CRIM1: variants seen among roughly 807,000 people sequenced by gnomAD.
CRIM1 encodes cysteine rich transmembrane BMP regulator 1, also known as cysteine-rich motor neuron 1 protein.
In CRIM1, 32 loss-of-function variants were observed where a neutral mutation model predicts 116.4. The ratio of observed to expected loss-of-function variants is 0.27; its 90% CI spans 0.21 to 0.37. The LOEUF (loss-of-function observed/expected upper bound fraction) is 0.37, where lower values mean the gene tolerates loss of function less well. CRIM1 is among the 10% of genes least tolerant of loss of function. The pLI is 1.00. For missense variants in CRIM1, 1,331 were observed against 1,354.8 expected (o/e 0.98, Z 0.28); for synonymous variants, 590 against 509.2 (o/e 1.16, Z -2.13).
At position 36,522,262 on chromosome 2, in the gene CRIM1, T is replaced by C. The variant is rs1180388555; in HGVS notation, c.2377T>C (p.Ser793Pro). Residue 793 changes from serine (S) to proline (P), a missense_variant, in exon 13 of 17, where the codon TCC becomes CCC. Ser to Pro is a moderately conservative substitution (Grantham distance 74). Coordinates refer to ENST00000280527, the MANE Select transcript of CRIM1 (RefSeq NM_016441.3). ...TTTCTCTGAGTCCTGCCCTTCTGTATCCTGTGAAAGACCTGTCTTGAGAAA... is the reference window on the plus strand; with the variant it reads ...TTTCTCTGAGTCCTGCCCTTCTGTACCCTGTGAAAGACCTGTCTTGAGAAA... Reference protein sequence around the residue: ...SCFSESCPSVSCERPVLRKGQ... With the variant: ...SCFSESCPSVPCERPVLRKGQ... 1.9e-6 allele frequency: 3 copies of C among 1,614,066 alleles called. No individual in the cohort carries two copies. The highest frequency in any genetic ancestry group is 2.5e-6 in the Non-Finnish European group (3 of 1,180,038).
intron 5 of CRIM1, among the ~76,000 whole-genome samples, chr2:36,471,783 G>C (rs556051152): frequency 2.0e-5 from 3 of 149,064 alleles, no homozygotes; most frequent in Non-Finnish European, 4.4e-5. Context: ...TTTTAAGAAA[G>C]TTTGCATTCA....
At chr2:36,456,248 A>G (rs1198922435) in intron 4 of CRIM1, among the ~76,000 whole-genome samples, 2 of 152,076 alleles carry the variant, frequency 1.3e-5, no homozygotes, top group Non-Finnish European at 2.9e-5. Flanking sequence ...TAGGGCCAGA[A>G]CCCTGTGTAT....
chr2:36,365,126 C>T (rs1052283736), intron 1 of CRIM1, among the ~76,000 whole-genome samples: 3 of 152,102 alleles, frequency 2.0e-5, no homozygotes, highest in African/African-American at 7.2e-5. Context: ...AATACAGGGT[C>T]TATGCACCAA....
intron 2 of CRIM1, among the ~76,000 whole-genome samples, chr2:36,408,212 G>A (rs1389954592): frequency 1.3e-5 from 2 of 152,198 alleles, no homozygotes; most frequent in Non-Finnish European, 2.9e-5. Context: ...CTTGAGGGCC[G>A]TGCCTAAAAC....
chr2:36,435,843 G>C (rs1201166085), intron 2 of CRIM1, among the ~76,000 whole-genome samples: 5 of 151,628 alleles, frequency 3.3e-5, no homozygotes, highest in African/African-American at 1.2e-4. Flanking sequence ...AGATTATTAA[G>C]ATGATGAAAC....
chr2:36,500,192 A>G (rs72866850), intron 8 of CRIM1, among the ~76,000 whole-genome samples: 8,375 of 152,178 alleles, frequency 0.055, 742 homozygotes, highest in African/African-American at 0.19. Flanking sequence ...ATAGCTAAGC[A>G]TGGTGGTATG....
At chr2:36,416,992 G>T (rs543301992) in intron 2 of CRIM1, among the ~76,000 whole-genome samples, 1 of 152,304 alleles carries the variant, frequency 6.6e-6, no homozygotes, top group African/African-American at 2.4e-5. Flanking sequence ...AAGCAGAGGG[G>T]TGGGAAGAGC....
At chr2:36,430,640 T>C (rs1203329438) in intron 2 of CRIM1, among the ~76,000 whole-genome samples, 1 of 152,110 alleles carries the variant, frequency 6.6e-6, no homozygotes, top group African/African-American at 2.4e-5. Context: ...CAAGTCTGAT[T>C]AGGAAGTTTG....
chr2:36,382,225 G>A (rs1027594420), intron 1 of CRIM1, among the ~76,000 whole-genome samples: 3 of 152,214 alleles, frequency 2.0e-5, no homozygotes, highest in African/African-American at 7.2e-5. Context: ...AACTGCGCGT[G>A]TTGGCAAGCC....
At position 36,396,611 on chromosome 2, in the gene CRIM1, C is replaced by T. The variant is rs1253194494; in HGVS notation, c.332-3C>T. The T allele has an allele frequency of 6.5e-7, 1 of 1,545,454 alleles. No homozygotes were observed. The highest frequency in any genetic ancestry group is 1.4e-5 in the African/African-American group (1 of 73,670). ...CATTATCTGGTTGTTAATTGTTTTA[C>T]AGATGAGAACTGGACTGATGACCAA... On this transcript the variant is annotated splice_polypyrimidine_tract_variant and splice_region_variant and intron_variant, in intron 1 of 16. Coordinates refer to ENST00000280527, the MANE Select transcript of CRIM1 (RefSeq NM_016441.3).
intron 7 of CRIM1, among the ~76,000 whole-genome samples, chr2:36,497,603 C>G (rs1680690678): frequency 6.6e-6 from 1 of 151,994 alleles, no homozygotes; most frequent in Non-Finnish European, 1.5e-5. Flanking sequence ...GGAAGAATAC[C>G]TTGGTTATTG....
chr2:36,390,887 G>A (rs1038065767), intron 1 of CRIM1, among the ~76,000 whole-genome samples: 15 of 151,882 alleles, frequency 9.9e-5, no homozygotes, highest in African/African-American at 1.5e-4. Flanking sequence ...TTGGCTCACT[G>A]CAACCTCCAC....
chr2:36,448,506 G>T (rs1676426474), intron 4 of CRIM1, among the ~76,000 whole-genome samples: 1 of 152,194 alleles, frequency 6.6e-6, no homozygotes, highest in African/African-American at 2.4e-5. Flanking sequence ...TTTCACCAGT[G>T]TTTCAGATAC....
At chr2:36,507,492 A>G (rs761198361) in intron 8 of CRIM1, among the ~76,000 whole-genome samples, 1 of 152,208 alleles carries the variant, frequency 6.6e-6, no homozygotes, top group Non-Finnish European at 1.5e-5. Flanking sequence ...GTCCCTATAC[A>G]GTGTGTGCCT....
At chr2:36,540,174 T>C (rs1201207798) in intron 14 of CRIM1, among the ~76,000 whole-genome samples, 1 of 152,178 alleles carries the variant, frequency 6.6e-6, no homozygotes, top group Non-Finnish European at 1.5e-5. Context: ...GCGCCACTGT[T>C]AGCCACGTAA....
At chr2:36,380,898 T>G (rs538043678) in intron 1 of CRIM1, among the ~76,000 whole-genome samples, 3 of 152,306 alleles carry the variant, frequency 2.0e-5, no homozygotes, top group African/African-American at 4.8e-5. Context: ...TTTTAAAAGA[T>G]ATCTCGACCA....
At chr2:36,398,806 G>C (rs1672221069) in intron 2 of CRIM1, among the ~76,000 whole-genome samples, 1 of 152,108 alleles carries the variant, frequency 6.6e-6, no homozygotes, top group African/African-American at 2.4e-5. Context: ...AATTTTGAAG[G>C]AAAAAGCATA....
chr2:36,544,270 C>G, intron 14 of CRIM1, 106 bp from the exon 15 acceptor site: 1 of 1,020,386 alleles, frequency 9.8e-7, no homozygotes, highest in Non-Finnish European at 1.3e-6. Flanking sequence ...CTTTCATGTC[C>G]CAGGAAATGT....
intron 14 of CRIM1, among the ~76,000 whole-genome samples, chr2:36,544,060 A>T (rs1667143140): frequency 1.3e-5 from 2 of 152,206 alleles, no homozygotes; most frequent in Admixed American, 6.5e-5. Flanking sequence ...CTGGAAAGTA[A>T]TAAATAACTT....
Sources: gnomAD v4.1 joint callset for allele counts (sites outside exome capture counted in the v4.1 genomes callset) on GRCh38, gnomAD v4.1.1 for gene constraint, MANE v1.5 for transcripts, NCBI Gene and HGNC (gene_info 2026-07-23, HGNC 2026-07-21) for gene names.